The following UBTD1 variants were observed in gnomAD, a reference collection of about 807,000 sequenced individuals.
UBTD1 encodes ubiquitin domain-containing protein 1.
A neutral mutation model predicts 21.7 loss-of-function variants in UBTD1; 19 were observed. The observed-to-expected ratio is 0.87, with a 90% CI of 0.61 to 1.28. The LOEUF is 1.28. Among genes scored for constraint, UBTD1 ranks in the 50% most tolerant of loss-of-function variants. The probability of loss-of-function intolerance (pLI) is 0.00; values close to 1 mark genes in which losing one functional copy is unlikely to be tolerated. For synonymous variants in UBTD1, 116 were observed against 135.1 expected (o/e 0.86, Z 0.98); for missense variants, 282 against 315.1 (o/e 0.89, Z 0.80).
intron 1 of UBTD1, among the ~76,000 whole-genome samples, chr10:97,564,803 A>G (rs1314682859): frequency 6.6e-6 from 1 of 152,172 alleles, no homozygotes; most frequent in Admixed American, 6.5e-5. Flanking sequence ...ACCTCAGGTG[A>G]TCTGCCCACC....
chr10:97,532,843 G>T (rs1459808338), intron 1 of UBTD1, among the ~76,000 whole-genome samples: 1 of 151,894 alleles, frequency 6.6e-6, no homozygotes, highest in African/African-American at 2.4e-5. Flanking sequence ...CTTTGGTCTT[G>T]CCTCTTATCA....
intron 1 of UBTD1, among the ~76,000 whole-genome samples, chr10:97,532,798 A>AAAAG (rs71007346): frequency 0.6 from 89,852 of 148,950 alleles, 30,249 homozygotes; most frequent in Non-Finnish European, 0.77. Context: ...CTCAAAAAAA[A>AAAAG]AAAGAAAGAA....
intron 1 of UBTD1, among the ~76,000 whole-genome samples, chr10:97,563,897 A>T (rs1248868445): frequency 6.6e-6 from 1 of 152,166 alleles, no homozygotes. Flanking sequence ...GATTACTGTT[A>T]TCCTTTAGGA....
At chr10:97,558,040 G>A (rs11511362) in intron 1 of UBTD1, among the ~76,000 whole-genome samples, 86,222 of 151,984 alleles carry the variant, frequency 0.57, 27,114 homozygotes, top group Non-Finnish European at 0.73. Context: ...TCGGCCGTGC[G>A]TGGACCAGTC....
At position 97,570,578 on chromosome 10, in the gene UBTD1, T is replaced by A; in HGVS notation, c.*55T>A. 1.3e-6 allele frequency: 2 copies of A among 1,534,222 alleles called. No individual in the cohort carries two copies. Among genetic ancestry groups the A allele is most frequent in the Non-Finnish European group, 1.8e-6 (2 of 1,134,774 alleles). On this transcript the variant is annotated 3_prime_UTR_variant, in exon 3 of 3. Coordinates refer to ENST00000370664, the MANE Select transcript of UBTD1 (RefSeq NM_024954.5). The surrounding 1 kb of genome is among the most constrained non-coding windows in gnomAD (Gnocchi z 6.6). ...CGCCTGGAGCACTAGGCCCCCACCCTGCTGCTGCCTTCCAGTGCTGTCATT... is the reference window on the plus strand; with the variant it reads ...CGCCTGGAGCACTAGGCCCCCACCCAGCTGCTGCCTTCCAGTGCTGTCATT...
intron 1 of UBTD1, among the ~76,000 whole-genome samples, chr10:97,501,502 A>T (rs1319433560): frequency 6.6e-6 from 1 of 151,944 alleles, no homozygotes; most frequent in Non-Finnish European, 1.5e-5. Flanking sequence ...AGGCAGGGAG[A>T]TTGCTTGAAC....
chr10:97,534,007 A>G (rs1019037726), intron 1 of UBTD1, among the ~76,000 whole-genome samples: 1 of 151,844 alleles, frequency 6.6e-6, no homozygotes, highest in Non-Finnish European at 1.5e-5. Flanking sequence ...CATCTGCCCT[A>G]GGCCAGCGGG....
chr10:97,565,177 A>T (rs922451720), intron 1 of UBTD1, among the ~76,000 whole-genome samples: 1 of 152,136 alleles, frequency 6.6e-6, no homozygotes, highest in Non-Finnish European at 1.5e-5. Flanking sequence ...AATCTCTTCA[A>T]ATATTTTACG....
At chr10:97,499,409 A>G in intron 1 of UBTD1, 136 bp downstream of exon 1, 1 of 1,133,938 alleles carries the variant, frequency 8.8e-7, no homozygotes, top group Non-Finnish European at 1.2e-6. Flanking sequence ...CCGCAGCCAG[A>G]GGGGGCCGCT....
At chr10:97,554,675 C>T (rs923091877) in intron 1 of UBTD1, among the ~76,000 whole-genome samples, 6 of 152,100 alleles carry the variant, frequency 3.9e-5, no homozygotes, top group East Asian at 1.9e-4. Flanking sequence ...CTCAGCCTCC[C>T]GAGTAGCTGG....
intron 1 of UBTD1, among the ~76,000 whole-genome samples, chr10:97,503,544 C>A (rs1475319310): frequency 6.6e-6 from 1 of 151,980 alleles, no homozygotes; most frequent in Admixed American, 6.5e-5. Flanking sequence ...TATCCACTTA[C>A]GTTCTGGAAT....
intron 1 of UBTD1, among the ~76,000 whole-genome samples, chr10:97,540,167 T>A (rs1418108275): frequency 6.6e-6 from 1 of 152,226 alleles, no homozygotes; most frequent in African/African-American, 2.4e-5. Context: ...GAGGTCTTGT[T>A]TTTTCACATT....
At chr10:97,558,329 G>A (rs137911665) in intron 1 of UBTD1, among the ~76,000 whole-genome samples, 2 of 152,320 alleles carry the variant, frequency 1.3e-5, no homozygotes, top group East Asian at 3.9e-4. Flanking sequence ...TATCTAGTTA[G>A]TCTAGCATTC....
chr10:97,552,186 G>A (rs988668862), intron 1 of UBTD1, among the ~76,000 whole-genome samples: 4 of 150,708 alleles, frequency 2.7e-5, no homozygotes, highest in Non-Finnish European at 5.9e-5. Flanking sequence ...GCAACATGGC[G>A]AGACCCCATC....
At chr10:97,531,315 A>T (rs183597784) in intron 1 of UBTD1, among the ~76,000 whole-genome samples, 1,639 of 150,566 alleles carry the variant, frequency 0.011, 10 homozygotes, top group Non-Finnish European at 0.016. Flanking sequence ...GGCTCAAGTG[A>T]TCCTCCTGCC....
chr10:97,554,762 C>A (rs1490539846), intron 1 of UBTD1, among the ~76,000 whole-genome samples: 3 of 152,054 alleles, frequency 2.0e-5, no homozygotes, highest in East Asian at 3.9e-4. Flanking sequence ...CTTTGTTGCC[C>A]AGGCTGATCG....
intron 1 of UBTD1, among the ~76,000 whole-genome samples, chr10:97,526,220 A>T (rs1297829914): frequency 1.3e-5 from 2 of 152,230 alleles, no homozygotes; most frequent in African/African-American, 4.8e-5. Context: ...TGCTGGTGGA[A>T]GTGAAAATTG....
chr10:97,506,688 G>A (rs1480315658), intron 1 of UBTD1, among the ~76,000 whole-genome samples: 2 of 152,004 alleles, frequency 1.3e-5, no homozygotes, highest in African/African-American at 4.8e-5. Flanking sequence ...CCAACCACTG[G>A]CAACTGATAT....
intron 1 of UBTD1, among the ~76,000 whole-genome samples, chr10:97,524,321 G>C (rs577498232): frequency 6.6e-6 from 1 of 151,940 alleles, no homozygotes; most frequent in Non-Finnish European, 1.5e-5. Context: ...GACTAGTCTC[G>C]AACTCTTGGA....
Sources: allele counts gnomAD v4.1 joint callset (sites outside exome capture counted in the v4.1 genomes callset), GRCh38; gene constraint gnomAD v4.1.1; non-coding constraint Gnocchi (gnomAD v3.1); transcripts MANE v1.5; gene names NCBI Gene and HGNC (gene_info 2026-07-23, HGNC 2026-07-21).